The following ANO7 variants were observed in gnomAD, a reference collection of about 807,000 sequenced individuals.
The protein encoded by ANO7 is anoctamin 7, also known as anoctamin-7.
In ANO7, 114 loss-of-function variants were observed where a neutral mutation model predicts 115.8. That is an observed-to-expected ratio of 0.98 (90% CI 0.85 to 1.15). The LOEUF is 1.15. ANO7 is among the 50% of genes most tolerant of loss of function. The pLI, the probability that ANO7 is intolerant of heterozygous loss-of-function variation, is 0.00. For synonymous variants in ANO7, 550 were observed against 498.2 expected (o/e 1.10, Z -1.38); for missense variants, 1,302 against 1,201.2 (o/e 1.08, Z -1.24).
In ANO7 at chr2:241,195,577, G is replaced by C. The variant is rs967914561; in HGVS notation, c.167-126G>C. ...TGGGACCAGAGAGGGGATCGGGAAG[G>C]AACCGGCCCTGAGTGTCCAAGTGCA... On this transcript the variant is annotated intron_variant, in intron 3 of 24. Transcript: ENST00000674324. The C allele has an allele frequency of 5.7e-6, 5 of 882,832 alleles. No individual in the cohort carries two copies. The African/African-American group carries it at 6.6e-5, about 12-fold the overall frequency. 54.7% of individuals were successfully genotyped at this position (882,832 alleles called of 1,614,324 possible).
At chr2:241,194,525 A>C (rs527872800) in intron 3 of ANO7, among the ~76,000 whole-genome samples, 73 of 151,552 alleles carry the variant, frequency 4.8e-4, no homozygotes, top group African/African-American at 1.8e-3. Context: ...TCACCGTGTT[A>C]GCCAGGATGG....
chr2:241,223,250 C>A lies in ANO7; in HGVS notation c.2386C>A (p.Arg796Ser). 1 of 1,614,260 alleles carries A rather than the reference C, an allele frequency of 6.2e-7. No individual in the cohort carries two copies. The highest frequency in any genetic ancestry group is 8.5e-7 in the Non-Finnish European group (1 of 1,180,050). ...SQTYWNLLAI[R>S]LAFVIVFEHV... Reference sequence around the variant, plus strand: ...GACCTACTGGAATCTTCTTGCCATCCGCCTGGCCTTCGTCATTGTGTTTGA... The same window carrying A: ...GACCTACTGGAATCTTCTTGCCATCAGCCTGGCCTTCGTCATTGTGTTTGA... Residue 796 changes from arginine (R) to serine (S), a missense_variant, in exon 22 of 25, where the codon CGC (arginine) becomes AGC (serine). By Grantham distance (110) the Arg-to-Ser change is moderately radical (BLOSUM62 -1). Coordinates refer to ENST00000674324, the MANE Select transcript of ANO7 (RefSeq NM_001370694.2).
At chr2:241,217,582 G>C in intron 19 of ANO7, 104 bp from the exon 20 acceptor site, 1 of 1,294,782 alleles carries the variant, frequency 7.7e-7, no homozygotes, top group Non-Finnish European at 1.1e-6. Flanking sequence ...AGCCGCGATG[G>C]GGTGGCGGCA....
At chr2:241,202,564 A>G (rs2068497547) in intron 8 of ANO7, among the ~76,000 whole-genome samples, 2 of 152,222 alleles carry the variant, frequency 1.3e-5, no homozygotes, top group South Asian at 4.1e-4. Context: ...CCTGGGCTCT[A>G]GATGCTATGG....
intron 19 of ANO7, among the ~76,000 whole-genome samples, chr2:241,216,865 C>T (rs1484245282): frequency 6.6e-6 from 1 of 152,162 alleles, no homozygotes; most frequent in Non-Finnish European, 1.5e-5. Context: ...ACGGAGTCTC[C>T]CTCTGTCGCC....
downstream of ANO7, chr2:241,229,828 C>T (rs757487118): frequency 1.3e-6 from 2 of 1,540,218 alleles, no homozygotes; most frequent in Admixed American, 3.8e-5. Flanking sequence ...AAGCCCGCAT[C>T]TGACCTTCTC....
At chr2:241,208,492 G>T (rs1388935791) in intron 11 of ANO7, among the ~76,000 whole-genome samples, 1 of 152,116 alleles carries the variant, frequency 6.6e-6, no homozygotes, top group African/African-American at 2.4e-5. Context: ...CTCTTGTAAG[G>T]GTTTGTCCAG....
At chr2:241,190,196 T>G (rs1205912206) in intron 2 of ANO7, 25 bp downstream of exon 2, 1 of 1,543,242 alleles carries the variant, frequency 6.5e-7, no homozygotes, top group Admixed American at 2.0e-5. Flanking sequence ...GAGACTGTGG[T>G]GCGACTTGAG....
chr2:241,235,002 T>G, the ANO7 span: 12 of 1,266,106 alleles, frequency 9.5e-6, no homozygotes, highest in Non-Finnish European at 1.3e-5. Context: ...TGCCTGCATC[T>G]CACCTCCAGC....
chr2:241,203,321 G>A lies in ANO7; in HGVS notation c.724-12G>A, dbSNP rs745463785. 5.0e-5 allele frequency: 76 copies of A among 1,511,066 alleles called. No individual in the cohort carries two copies. The highest frequency in any genetic ancestry group is 1.8e-4 in the African/African-American group (13 of 70,604). 93.6% of individuals were successfully genotyped at this position (1,511,066 alleles called of 1,614,324 possible). On this transcript the variant is annotated splice_polypyrimidine_tract_variant and intron_variant, in intron 8 of 24. Coordinates refer to ENST00000674324, the MANE Select transcript of ANO7 (RefSeq NM_001370694.2). The surrounding 1 kb of genome is among the most constrained non-coding windows in gnomAD (Gnocchi z 4.8). ...TGGGGGAGCCTCCCACCCACAGGCC[G>A]CTCGCCCCCAGGGCCCCTTCAAGAC...
chr2:241,197,568 G>C (rs1009376541), intron 4 of ANO7, among the ~76,000 whole-genome samples: 2 of 151,196 alleles, frequency 1.3e-5, no homozygotes, highest in African/African-American at 4.9e-5. Context: ...TTGTAGAGAT[G>C]AGGTCTCACT....
chr2:241,208,944 T>A (rs924689443), intron 11 of ANO7, among the ~76,000 whole-genome samples: 2 of 152,008 alleles, frequency 1.3e-5, no homozygotes, highest in African/African-American at 2.4e-5. Context: ...GGTCAGAAGA[T>A]CGAGACCATC....
At chr2:241,204,656 G>A (rs1036879127) in intron 9 of ANO7, among the ~76,000 whole-genome samples, 11 of 152,138 alleles carry the variant, frequency 7.2e-5, no homozygotes, top group African/African-American at 2.7e-4. Flanking sequence ...TGGTAGGGGT[G>A]TCCAGAGTCT....
At chr2:241,192,589 T>C (rs1311649008) in intron 3 of ANO7, among the ~76,000 whole-genome samples, 1 of 152,164 alleles carries the variant, frequency 6.6e-6, no homozygotes, top group Non-Finnish European at 1.5e-5. Flanking sequence ...CAAATACAGT[T>C]TCATTCTGAG....
At chr2:241,235,078 A>G in the ANO7 span, 4 of 1,602,008 alleles carry the variant, frequency 2.5e-6, no homozygotes, top group Non-Finnish European at 3.4e-6. Context: ...CCCAAAGCTG[A>G]GCACCATGGC....
rs770281893 is a variant in ANO7, at chr2:241,218,198, C to CGGAGCGGGGGCGCGCAGGGGT, written c.2179-30_2179-29insGCGCAGGGGTGGAGCGGGGGC. On this transcript the variant is annotated intron_variant, in intron 20 of 24. Transcript: ENST00000674324. ...GGGGCGGAGCGGGGGCGCGCAGGGG[C>CGGAGCGGGGGCGCGCAGGGGT]GGAGCGGGGGCCGCCTCGCGCTGAC... is the stretch of plus-strand genomic sequence containing the variant. The CGGAGCGGGGGCGCGCAGGGGT allele has an allele frequency of 7.7e-5, 96 of 1,242,046 alleles. 1 individual carries two copies. The highest frequency in any genetic ancestry group is 1.6e-5 in the Non-Finnish European group (16 of 981,540). 76.9% of individuals were successfully genotyped at this position (1,242,046 alleles called of 1,614,324 possible).
chr2:241,210,016 A>G (rs993181725), intron 13 of ANO7, among the ~76,000 whole-genome samples: 1 of 152,210 alleles, frequency 6.6e-6, no homozygotes, highest in Non-Finnish European at 1.5e-5. Context: ...GGAATCCCCA[A>G]TTCCTGGGAT....
At chr2:241,202,572 T>C (rs970140015) in intron 8 of ANO7, among the ~76,000 whole-genome samples, 6 of 152,212 alleles carry the variant, frequency 3.9e-5, no homozygotes, top group Non-Finnish European at 8.8e-5. Context: ...CTAGATGCTA[T>C]GGCTCTGTCT....
At chr2:241,233,997 T>C in the ANO7 span, 5 of 1,613,078 alleles carry the variant, frequency 3.1e-6, no homozygotes, top group Admixed American at 1.7e-5. The surrounding 1 kb of genome is among the most constrained non-coding windows in gnomAD (Gnocchi z 4.3). Context: ...GAGGCAAAGA[T>C]TGAGCTGATC....
Sources: gnomAD v4.1 joint callset for allele counts (sites outside exome capture counted in the v4.1 genomes callset) on GRCh38, gnomAD v4.1.1 for gene constraint, Gnocchi (gnomAD v3.1) non-coding constraint, MANE v1.5 for transcripts, NCBI Gene and HGNC (gene_info 2026-07-23, HGNC 2026-07-21) for gene names.